LARGE1: variants seen among roughly 807,000 people sequenced by gnomAD.
The protein encoded by LARGE1 is xylosyl- and glucuronyltransferase LARGE1.
LARGE1 carries 43 observed loss-of-function variants against 87.6 expected under a neutral mutation model. The ratio of observed to expected loss-of-function variants is 0.49; its 90% CI spans 0.38 to 0.63. LARGE1 has a LOEUF of 0.63. LARGE1 is among the 30% of genes least tolerant of loss of function. The pLI is 0.00. For synonymous variants in LARGE1, 434 were observed against 394.6 expected, an observed-to-expected ratio of 1.10 and a Z score of -1.18; for missense variants, 802 against 1,000.2, an observed-to-expected ratio of 0.80 and a Z score of 2.67.
intron 11 of LARGE1, among the ~76,000 whole-genome samples, chr22:33,199,823 G>A (rs76248560): frequency 0.03 from 4,586 of 150,980 alleles, 95 homozygotes; most frequent in Admixed American, 0.057. Context: ...TCCATAGTAC[G>A]TGCCTGGTAC....
chr22:33,096,587 C>A, the LARGE1 span, among the ~76,000 whole-genome samples: 1 of 137,152 alleles, frequency 7.3e-6, no homozygotes, highest in Non-Finnish European at 1.5e-5. Flanking sequence ...TTTTTTGAGA[C>A]AGAGTCTCGC....
chr22:33,392,619 A>C (rs1185105520), intron 7 of LARGE1, among the ~76,000 whole-genome samples: 1 of 152,170 alleles, frequency 6.6e-6, no homozygotes, highest in Non-Finnish European at 1.5e-5. Context: ...AGATGGCCCC[A>C]CTGTACTCCC....
At chr22:33,712,405 G>A (rs2082759077) in intron 2 of LARGE1, among the ~76,000 whole-genome samples, 1 of 152,080 alleles carries the variant, frequency 6.6e-6, no homozygotes, top group South Asian at 2.1e-4. Context: ...AAGGCTTCTA[G>A]AGGAGACCAG....
intron 5 of LARGE1, among the ~76,000 whole-genome samples, chr22:33,569,511 A>G (rs3819662): frequency 0.36 from 54,575 of 152,134 alleles, 10,240 homozygotes; most frequent in East Asian, 0.57. Flanking sequence ...GTTTGTATTC[A>G]GAAAGAAAGC....
At chr22:33,507,519 A>G (rs2070822763) in intron 6 of LARGE1, among the ~76,000 whole-genome samples, 2 of 152,188 alleles carry the variant, frequency 1.3e-5, no homozygotes, top group Admixed American at 6.6e-5. Flanking sequence ...TTGAGACAGA[A>G]AGGAGACTGG....
intron 7 of LARGE1, among the ~76,000 whole-genome samples, chr22:33,405,238 C>T (rs1196256566): frequency 6.6e-6 from 1 of 152,196 alleles, no homozygotes; most frequent in Non-Finnish European, 1.5e-5. Flanking sequence ...GAACAAAATG[C>T]AAATTCTGTG....
intron 1 of LARGE1, among the ~76,000 whole-genome samples, chr22:33,893,399 C>T (rs1391148035): frequency 2.0e-5 from 3 of 152,138 alleles, no homozygotes; most frequent in Non-Finnish European, 4.4e-5. Context: ...CCATTTACTC[C>T]ATTCACTCAA....
At chr22:33,280,315 CAAA>C (rs58680121) in intron 13 of LARGE1, among the ~76,000 whole-genome samples, 133 of 67,434 alleles carry the variant, frequency 2.0e-3, no homozygotes, top group African/African-American at 5.8e-3. Context: ...GGTAACTCCT[CAAA>C]AAAAAAAAAA....
At chr22:33,617,612 G>C (rs9609848) in intron 4 of LARGE1, among the ~76,000 whole-genome samples, 1 of 152,178 alleles carries the variant, frequency 6.6e-6, no homozygotes, top group Non-Finnish European at 1.5e-5. Context: ...AGGCCCCTTA[G>C]AAAAAGCTTC....
the LARGE1 span, among the ~76,000 whole-genome samples, chr22:33,132,078 C>T: frequency 6.6e-6 from 1 of 151,978 alleles, no homozygotes; most frequent in Non-Finnish European, 1.5e-5. Flanking sequence ...AGGTTCCTCC[C>T]ATGACACATG....
At chr22:33,895,998 C>T (rs2065134663) in intron 1 of LARGE1, among the ~76,000 whole-genome samples, 1 of 152,164 alleles carries the variant, frequency 6.6e-6, no homozygotes, top group South Asian at 2.1e-4. Flanking sequence ...ACACACATTC[C>T]TATTTTTGTG....
chr22:33,420,152 G>C (rs1036790533), intron 7 of LARGE1, among the ~76,000 whole-genome samples: 2 of 152,178 alleles, frequency 1.3e-5, no homozygotes, highest in African/African-American at 4.8e-5. Flanking sequence ...GAGCAACCAT[G>C]AGAAATGCTG....
At chr22:33,287,568 T>C (rs1303633748) in intron 12 of LARGE1, among the ~76,000 whole-genome samples, 1 of 152,206 alleles carries the variant, frequency 6.6e-6, no homozygotes, top group Non-Finnish European at 1.5e-5. Context: ...AGCTCATCTG[T>C]TTATTGAGAA....
chr22:33,159,535 T>C (rs1029688286), downstream of LARGE1, among the ~76,000 whole-genome samples: 2 of 151,864 alleles, frequency 1.3e-5, no homozygotes, highest in African/African-American at 4.8e-5. Context: ...GATAGACTGA[T>C]AGGTTTAAAT....
chr22:33,493,505 G>C (rs903723336), intron 6 of LARGE1, among the ~76,000 whole-genome samples: 5 of 152,210 alleles, frequency 3.3e-5, no homozygotes, highest in African/African-American at 1.2e-4. Flanking sequence ...CATTTGTGGA[G>C]GTGATAAAAT....
At position 33,709,913 on chromosome 22, in the gene LARGE1, C is replaced by T. The variant is rs894765746; in HGVS notation, c.106+51458G>A. 6.5e-4 allele frequency among the ~76,000 whole-genome samples: 98 copies of T among 151,086 alleles called. 1 individual carries two copies. The highest frequency in any genetic ancestry group is 1.5e-4 in the Non-Finnish European group (10 of 67,858). ...AAGTGCTGGGATTACAGGCGTGAGC[C>T]ACCACGCTCAGCTGGCCAATGCTAC... On this transcript the variant is annotated intron_variant, in intron 2 of 14. Transcript: ENST00000397394.
Position 33,477,935 on chromosome 22 carries a change from A to G in LARGE1, c.788-45670T>C, listed in dbSNP as rs147454604. On this transcript the variant is annotated intron_variant, in intron 6 of 14. Coordinates refer to ENST00000397394, the MANE Select transcript of LARGE1 (RefSeq NM_133642.5). Reference sequence around the variant, plus strand: ...CGTTTCTCAAATGGGCAGCATCTCTATTTGCATCTGAGTCACAGGTCTAAC... The same window carrying G: ...CGTTTCTCAAATGGGCAGCATCTCTGTTTGCATCTGAGTCACAGGTCTAAC... Among the ~76,000 whole-genome samples, 459 of 152,194 alleles carry G rather than the reference A, an allele frequency of 3.0e-3. 2 individuals are homozygous for G. Among genetic ancestry groups the G allele is most frequent in the Middle Eastern group, 0.024 (7 of 294 alleles).
chr22:33,389,648 C>G (rs975828995), intron 7 of LARGE1, among the ~76,000 whole-genome samples: 6 of 152,142 alleles, frequency 3.9e-5, no homozygotes, highest in African/African-American at 1.4e-4. Flanking sequence ...AGTTTGAGAC[C>G]AGCCTGGCCA....
chr22:33,746,894 G>A (rs944245132), intron 2 of LARGE1, among the ~76,000 whole-genome samples: 1 of 152,066 alleles, frequency 6.6e-6, no homozygotes, highest in Admixed American at 6.5e-5. Flanking sequence ...ACTTAATCCA[G>A]GTCAAACTTC....
Sources: allele counts gnomAD v4.1 joint callset (sites outside exome capture counted in the v4.1 genomes callset), GRCh38; gene constraint gnomAD v4.1.1; transcripts MANE v1.5; gene names NCBI Gene and HGNC (gene_info 2026-07-23, HGNC 2026-07-21).